Variants in DNAJA3 observed in about 807,000 individuals in gnomAD.
DNAJA3 encodes dnaJ homolog subfamily A member 3, mitochondrial.
A neutral mutation model predicts 54.9 loss-of-function variants in DNAJA3; 29 were observed. The observed-to-expected ratio is 0.53, with a 90% CI of 0.39 to 0.72. DNAJA3 has a LOEUF of 0.72. Ranked by LOEUF, DNAJA3 falls within the 30% of genes least tolerant of loss-of-function variation. The pLI, the probability that DNAJA3 is intolerant of heterozygous loss-of-function variation, is 0.00. For missense variants in DNAJA3, 708 were observed against 639.4 expected (o/e 1.11, Z -1.16); for synonymous variants, 302 against 251.4 (o/e 1.20, Z -1.90).
chr16:4,431,871 T>G (rs947209593), intron 1 of DNAJA3: 1 of 151,740 alleles, frequency 6.6e-6, no homozygotes, highest in Non-Finnish European at 1.5e-5. Context: ...GTGAGCCACC[T>G]TGCCTGGCCT....
rs2056910767 is a variant in DNAJA3 at position 4,447,017 on chromosome 16, AAG to A, written c.1125+6_1125+7del. 6.2e-7 allele frequency: 1 copy of A among 1,612,936 alleles called. No homozygotes were observed. Among genetic ancestry groups the A allele is most frequent in the Non-Finnish European group, 8.5e-7 (1 of 1,179,692 alleles). ...TGTACGAGACGATCAACGTGACGGTAAGAGGGTGTGAGAACACCTTTGTCACC... is the reference window on the plus strand; with the variant it reads ...TGTACGAGACGATCAACGTGACGGTAAGGGTGTGAGAACACCTTTGTCACC... On this transcript the variant is annotated splice_donor_5th_base_variant and intron_variant, in intron 8 of 11. Coordinates refer to ENST00000262375, the MANE Select transcript of DNAJA3 (RefSeq NM_005147.6).
chr16:4,433,987 G>A (rs985444890), intron 1 of DNAJA3: 3 of 231,186 alleles, frequency 1.3e-5, no homozygotes, highest in African/African-American at 7.1e-5. Context: ...AATTTTAAAG[G>A]AAAGAGGTTT....
Position 4,444,717 on chromosome 16 carries a change from A to G in DNAJA3, c.985A>G (p.Ile329Val). 2 of 1,614,086 alleles carry G rather than the reference A, an allele frequency of 1.2e-6. No individual in the cohort carries two copies. Among genetic ancestry groups the G allele is most frequent in the Non-Finnish European group, 1.7e-6 (2 of 1,179,970 alleles). Residue 329 changes from isoleucine to valine, a missense_variant, in exon 7 of 12, where the codon ATT (isoleucine) becomes GTT (valine). Ile to Val is a conservative substitution (Grantham distance 29). Transcript: ENST00000262375. ...RMPVGKREIF[I>V]TFRVQKSPVF... is the part of the protein sequence containing the mutation. ...GCCTGTGGGAAAAAGGGAAATTTTC[A>G]TTACGTTCAGGGTAGGTGCCCTGCC...
chr16:4,434,178 T>C lies in DNAJA3; in HGVS notation c.212-206T>C, dbSNP rs1425950248. 13 of 560,650 alleles carry C rather than the reference T, an allele frequency of 2.3e-5. No homozygotes were observed. In the East Asian group the frequency reaches 3.8e-4, roughly 17 times the overall value. 34.7% of individuals were successfully genotyped at this position (560,650 alleles called of 1,614,324 possible). On this transcript the variant is annotated intron_variant, in intron 1 of 11. Coordinates refer to ENST00000262375, the MANE Select transcript of DNAJA3 (RefSeq NM_005147.6). ...ACCAGCATGGAGGTAACCGCTCCTG[T>C]GATTCAGTTACCTCCCATCAGGTCC... is the stretch of plus-strand genomic sequence containing the variant.
intron 1 of DNAJA3, among the ~76,000 whole-genome samples, chr16:4,429,255 G>A (rs896573813): frequency 3.3e-5 from 5 of 151,008 alleles, no homozygotes; most frequent in African/African-American, 1.2e-4. Flanking sequence ...GCAGTGGTGC[G>A]ATCTCGGCTC....
At chr16:4,441,131 G>A in intron 3 of DNAJA3, 1 of 549,324 alleles carries the variant, frequency 1.8e-6, no homozygotes, top group Non-Finnish European at 3.2e-6. Flanking sequence ...TTCCCAGCAT[G>A]CGCGACGGCG....
Position 4,455,823 on chromosome 16 carries a change from C to T in DNAJA3, c.*291C>T. On this transcript the variant is annotated 3_prime_UTR_variant, in exon 12 of 12. Transcript: ENST00000262375. The stretch of plus-strand genomic sequence containing the variant: ...GCTCAGGCAGAGGGAGATGGTTAGA[C>T]TCTTGCAGGGCTAAAACTCTAATTT... 1 of 574,128 alleles carries T rather than the reference C, an allele frequency of 1.7e-6. No individual in the cohort carries two copies. Among genetic ancestry groups the T allele is most frequent in the South Asian group, 2.3e-5 (1 of 43,586 alleles). The allele number at this position is 574,128 out of a possible 1,614,324, so 35.6% of individuals were successfully genotyped here. A position where few individuals can be genotyped will look rare whatever the true frequency, so the allele number is the denominator to read the frequency against.
Position 4,440,326 on chromosome 16 carries a change from C to T in DNAJA3, c.430-1049C>T, listed in dbSNP as rs574953954. 18 of 152,158 alleles carry T rather than the reference C, an allele frequency of 1.2e-4. No homozygotes were observed. The East Asian group carries it at 1.4e-3, about 11-fold the overall frequency. 9.4% of individuals were successfully genotyped at this position (152,158 alleles called of 1,614,324 possible). On this transcript the variant is annotated intron_variant, in intron 3 of 11. Coordinates refer to ENST00000262375, the MANE Select transcript of DNAJA3 (RefSeq NM_005147.6). ...AAAGTGAGGGCCAGGCACGGTGGCT[C>T]ACGCTTGTAATCCCAGCACTTTGGG...
At chr16:4,437,778 C>G (rs567523111) in intron 3 of DNAJA3, among the ~76,000 whole-genome samples, 1 of 143,594 alleles carries the variant, frequency 7.0e-6, no homozygotes, top group Admixed American at 7.0e-5. Flanking sequence ...AGTAAGACCA[C>G]GTCTCTACAA....
At chr16:4,453,654 ACTC>A (rs2057002722) in intron 10 of DNAJA3, among the ~76,000 whole-genome samples, 1 of 151,466 alleles carries the variant, frequency 6.6e-6, no homozygotes. Flanking sequence ...CCGGTCTCGA[ACTC>A]CTGAGCTCAG....
chr16:4,442,630 C>T (rs752040130), intron 5 of DNAJA3: 23 of 562,678 alleles, frequency 4.1e-5, no homozygotes, highest in Middle Eastern at 4.7e-4. Flanking sequence ...ACAGCAGCTC[C>T]GGGGGCGGGG....
In DNAJA3 at chr16:4,448,738, C is replaced by T. The variant is rs2141391935; in HGVS notation, c.1131C>T (p.Pro377=). Residue 377 remains proline, a synonymous_variant, in exon 9 of 12, where the codon CCC becomes CCT. Transcript: ENST00000262375. ...CAGATTTTCTTTCTTTATAGATCCCCCCTGGGACTCAGACAGACCAGAAGA... is the reference window on the plus strand; with the variant it reads ...CAGATTTTCTTTCTTTATAGATCCCTCCTGGGACTCAGACAGACCAGAAGA... ...GLYETINVTI[P]PGTQTDQKIR... 1 of 1,613,514 alleles carries T rather than the reference C, an allele frequency of 6.2e-7. No homozygotes were observed. The highest frequency in any genetic ancestry group is 8.5e-7 in the Non-Finnish European group (1 of 1,179,568).
Position 4,455,955 on chromosome 16 carries a change from C to A in DNAJA3, c.*423C>A, listed in dbSNP as rs967430173. 2 of 244,756 alleles carry A rather than the reference C, an allele frequency of 8.2e-6. No individual in the cohort carries two copies. The allele number at this position is 244,756 out of a possible 1,614,324, so 15.2% of individuals were successfully genotyped here. A position where few individuals can be genotyped will look rare whatever the true frequency, so the allele number is the denominator to read the frequency against. On this transcript the variant is annotated 3_prime_UTR_variant, in exon 12 of 12. Coordinates refer to ENST00000262375, the MANE Select transcript of DNAJA3 (RefSeq NM_005147.6). Reference sequence around the variant, plus strand: ...AGTGATTAATTTCCTTCTCAGCAAACCTCCGGGAGGTTCCAGAATGAGTTC... The same window carrying A: ...AGTGATTAATTTCCTTCTCAGCAAAACTCCGGGAGGTTCCAGAATGAGTTC...
chr16:4,455,623 C>T lies in DNAJA3; in HGVS notation c.*91C>T. The T allele has an allele frequency of 2.6e-6, 4 of 1,547,596 alleles. No homozygotes were observed. Among genetic ancestry groups the T allele is most frequent in the Non-Finnish European group, 3.5e-6 (4 of 1,143,312 alleles). On this transcript the variant is annotated 3_prime_UTR_variant, in exon 12 of 12. Transcript: ENST00000262375. ...AGGGCACCTGGGAGACGGGAGGATT[C>T]CAGAACAGCAGCACTGAGCTCCCAC...
At chr16:4,442,938 TC>T (rs1215768554) in intron 5 of DNAJA3, 78 bp from the exon 6 acceptor site, 2 of 1,511,958 alleles carry the variant, frequency 1.3e-6, no homozygotes, top group South Asian at 2.5e-5. Flanking sequence ...GAGACATTTT[TC>T]TTACGCACAT....
At chr16:4,434,591 T>A in intron 2 of DNAJA3, 74 bp downstream of exon 2, 1 of 1,540,766 alleles carries the variant, frequency 6.5e-7, no homozygotes, top group South Asian at 1.2e-5. Flanking sequence ...TCCTGATCAG[T>A]ACAGCGTATG....
chr16:4,455,529 C>CT lies in DNAJA3; in HGVS notation c.*14-16dup. 1 of 1,551,778 alleles carries CT rather than the reference C, an allele frequency of 6.4e-7. No homozygotes were observed. Among genetic ancestry groups the CT allele is most frequent in the Non-Finnish European group, 8.7e-7 (1 of 1,146,958 alleles). On this transcript the variant is annotated splice_polypyrimidine_tract_variant and intron_variant, in intron 11 of 11. Transcript: ENST00000262375. ...GAAATGTTGAGTATAAGGTAACAGC[C>CT]TATCTCTTTGGCTCAGGAAAAAGAT...
At chr16:4,442,181 G>T in intron 4 of DNAJA3, 87 bp from the exon 5 acceptor site, 5 of 1,397,640 alleles carry the variant, frequency 3.6e-6, no homozygotes, top group Non-Finnish European at 4.8e-6. Context: ...GAAAATGTGG[G>T]CCAGTACCCT....
At chr16:4,429,736 G>A (rs1404977158) in intron 1 of DNAJA3, among the ~76,000 whole-genome samples, 2 of 152,072 alleles carry the variant, frequency 1.3e-5, no homozygotes, top group Non-Finnish European at 2.9e-5. Flanking sequence ...CGGGAGGCTG[G>A]GGCAGGAGAA....
Sources: allele counts gnomAD v4.1 joint callset (sites outside exome capture counted in the v4.1 genomes callset), GRCh38; gene constraint gnomAD v4.1.1; transcripts MANE v1.5; gene names NCBI Gene and HGNC (gene_info 2026-07-23, HGNC 2026-07-21).